Variants in EFHC2 observed in about 807,000 individuals in gnomAD.
The protein encoded by EFHC2 is EF-hand domain-containing family member C2.
A neutral mutation model predicts 52.7 loss-of-function variants in EFHC2; 18 were observed. The ratio of observed to expected loss-of-function variants is 0.34; its 90% CI spans 0.24 to 0.51. The LOEUF (loss-of-function observed/expected upper bound fraction) is 0.51. Ranked by LOEUF, EFHC2 falls within the 20% of genes least tolerant of loss-of-function variation. The pLI is 0.97. For synonymous variants in EFHC2, 203 were observed against 204.1 expected (o/e 0.99, Z 0.04); for missense variants, 513 against 562.5 (o/e 0.91, Z 0.89).
rs192549882 is a variant in EFHC2 at position 44,333,924 on chromosome X, C to A, written c.42+9623G>T. 5.5e-4 allele frequency among the ~76,000 whole-genome samples: 61 copies of A among 111,426 alleles called. 2 individuals are homozygous for A. The Admixed American group carries it at 5.6e-3, about 10-fold the overall frequency. The stretch of plus-strand genomic sequence containing the variant: ...GTAGTTGTGATGACTGGAACTGAGG[C>A]AACTATTTTGCAACTATGAGGTCAC... On this transcript the variant is annotated intron_variant, in intron 1 of 14. Coordinates refer to ENST00000420999, the MANE Select transcript of EFHC2 (RefSeq NM_025184.4).
chrX:44,233,828 A>G (rs1282393341), intron 9 of EFHC2, among the ~76,000 whole-genome samples: 1 of 111,051 alleles, frequency 9.0e-6, no homozygotes, highest in Non-Finnish European at 1.9e-5. Flanking sequence ...TGTTGAGGTC[A>G]CTCTTCCCAC....
At chrX:44,181,164 T>C (rs2036832428) in intron 11 of EFHC2, among the ~76,000 whole-genome samples, 1 of 111,337 alleles carries the variant, frequency 9.0e-6, no homozygotes. Flanking sequence ...TGTTGATAAA[T>C]GTAGTATGAT....
chrX:44,279,549 G>A (rs2037686218), intron 2 of EFHC2, among the ~76,000 whole-genome samples: 1 of 111,207 alleles, frequency 9.0e-6, no homozygotes, highest in Non-Finnish European at 1.9e-5. Context: ...TACAGTGCAT[G>A]ACAGAGATGC....
At position 44,342,875 on chromosome X, in the gene EFHC2, C is replaced by CA. The variant is rs377220378; in HGVS notation, c.42+671dup. 3.6e-3 allele frequency among the ~76,000 whole-genome samples: 209 copies of CA among 57,336 alleles called. 4 individuals carry two copies. Among genetic ancestry groups the CA allele is most frequent in the Non-Finnish European group, 4.7e-3 (153 of 32,892 alleles). 49.8% of individuals were successfully genotyped at this position (57,336 alleles called of 115,157 possible). ...TGGGCGACAGAGCGAGACTCCGTCTCAAAAAAAAAAAAAGAAATGAACCCC... is the reference window on the plus strand; with the variant it reads ...TGGGCGACAGAGCGAGACTCCGTCTCAAAAAAAAAAAAAAGAAATGAACCCC... On this transcript the variant is annotated intron_variant, in intron 1 of 14. Coordinates refer to ENST00000420999, the MANE Select transcript of EFHC2 (RefSeq NM_025184.4).
intron 13 of EFHC2, among the ~76,000 whole-genome samples, chrX:44,175,372 A>G (rs2036778268): frequency 9.0e-6 from 1 of 111,553 alleles, no homozygotes; most frequent in Admixed American, 9.6e-5. Flanking sequence ...GAGAGGAGAG[A>G]GTAGAAGCAA....
At chrX:44,306,250 T>G (rs758444949) in intron 2 of EFHC2, among the ~76,000 whole-genome samples, 1 of 111,502 alleles carries the variant, frequency 9.0e-6, no homozygotes, top group Non-Finnish European at 1.9e-5. Context: ...TAAACCTTTC[T>G]TGCTGCAAAA....
At chrX:44,161,191 GCTT>G (rs2147268203) in intron 14 of EFHC2, among the ~76,000 whole-genome samples, 1 of 111,985 alleles carries the variant, frequency 8.9e-6, no homozygotes, top group East Asian at 2.8e-4. Flanking sequence ...AATGACAAAG[GCTT>G]ATAGCAAAAA....
chrX:44,152,236 C>T (rs768066269), intron 14 of EFHC2, among the ~76,000 whole-genome samples: 3 of 111,144 alleles, frequency 2.7e-5, no homozygotes, highest in Non-Finnish European at 5.6e-5. Flanking sequence ...AAACCCCTTA[C>T]GAGATAAGTA....
At chrX:44,334,932 C>T (rs939833466) in intron 1 of EFHC2, among the ~76,000 whole-genome samples, 1 of 110,756 alleles carries the variant, frequency 9.0e-6, no homozygotes, top group African/African-American at 3.3e-5. Context: ...CTATTTATTG[C>T]AACATTATTG....
chrX:44,303,687 A>C (rs1382410344), intron 2 of EFHC2, among the ~76,000 whole-genome samples: 3 of 110,877 alleles, frequency 2.7e-5, no homozygotes, highest in Non-Finnish European at 5.7e-5. Flanking sequence ...TATTTTAAAA[A>C]TTTATTTTTA....
chrX:44,215,554 G>A (rs2037139618), intron 11 of EFHC2, among the ~76,000 whole-genome samples: 1 of 109,073 alleles, frequency 9.2e-6, no homozygotes. Flanking sequence ...GGTGTTGGAA[G>A]GGGGAAGGCA....
intron 11 of EFHC2, among the ~76,000 whole-genome samples, chrX:44,181,376 C>G (rs1234183013): frequency 9.1e-6 from 1 of 109,957 alleles, no homozygotes; most frequent in Non-Finnish European, 1.9e-5. Flanking sequence ...GAAAGCATTT[C>G]CTTTTGAGAG....
chrX:44,252,406 C>T (rs767890971), intron 4 of EFHC2, among the ~76,000 whole-genome samples: 1 of 111,988 alleles, frequency 8.9e-6, no homozygotes, highest in South Asian at 3.8e-4. Context: ...GCAGTCTTAA[C>T]CCAAGACAGT....
chrX:44,163,824 G>A, intron 14 of EFHC2, 98 bp downstream of exon 14: 6 of 626,565 alleles, frequency 9.6e-6, no homozygotes, highest in Non-Finnish European at 1.5e-5. Context: ...AAGCACTGAT[G>A]TTAATATTTT....
intron 11 of EFHC2, among the ~76,000 whole-genome samples, chrX:44,199,361 C>T (rs1430119471): frequency 8.8e-6 from 1 of 113,131 alleles, no homozygotes; most frequent in Admixed American, 9.3e-5. Context: ...ACTTCGTGTA[C>T]AGTCTGAAGA....
chrX:44,292,130 ATATG>A (rs1199750437), intron 2 of EFHC2, among the ~76,000 whole-genome samples: 1 of 111,750 alleles, frequency 8.9e-6, no homozygotes, highest in Non-Finnish European at 1.9e-5. Context: ...AAAATTATAT[ATATG>A]TGTGTTTTTT....
At chrX:44,290,673 A>G (rs1299515058) in intron 2 of EFHC2, among the ~76,000 whole-genome samples, 1 of 111,497 alleles carries the variant, frequency 9.0e-6, no homozygotes, top group Non-Finnish European at 1.9e-5. Context: ...AGTGGTCAAG[A>G]GAAGTAGGAA....
At chrX:44,214,938 C>T (rs2037132340) in intron 11 of EFHC2, among the ~76,000 whole-genome samples, 1 of 111,547 alleles carries the variant, frequency 9.0e-6, no homozygotes, top group South Asian at 3.8e-4. Flanking sequence ...TCTGTGTCCC[C>T]ACCCAAATCT....
intron 2 of EFHC2, among the ~76,000 whole-genome samples, chrX:44,283,384 G>C (rs946277460): frequency 1.8e-5 from 2 of 111,082 alleles, no homozygotes; most frequent in African/African-American, 6.6e-5. Flanking sequence ...GGGTTTCACC[G>C]TGTTAGCCAG....
Sources: allele counts gnomAD v4.1 joint callset (sites outside exome capture counted in the v4.1 genomes callset), GRCh38; gene constraint gnomAD v4.1.1; transcripts MANE v1.5; gene names NCBI Gene and HGNC (gene_info 2026-07-23, HGNC 2026-07-21).